ARHGAP28: variants seen among roughly 807,000 people sequenced by gnomAD.
ARHGAP28 encodes the protein rho GTPase-activating protein 28.
In ARHGAP28, 56 loss-of-function variants were observed where a neutral mutation model predicts 90.7. The observed-to-expected ratio is 0.62, with a 90% CI of 0.50 to 0.77. The LOEUF is 0.77. ARHGAP28 is among the 30% of genes least tolerant of loss of function. The pLI is 0.00. For synonymous variants in ARHGAP28, 308 were observed against 323.3 expected (o/e 0.95, Z 0.51); for missense variants, 869 against 900.9 (o/e 0.96, Z 0.45).
chr18:6,795,696 G>T (rs2056436910), intron 1 of ARHGAP28, among the ~76,000 whole-genome samples: 1 of 152,128 alleles, frequency 6.6e-6, no homozygotes, highest in South Asian at 2.1e-4. Flanking sequence ...CAGCACTCCA[G>T]ATTTGTCTGT....
chr18:6,909,599 G>C (rs1208473496), intron 17 of ARHGAP28, among the ~76,000 whole-genome samples: 1 of 151,894 alleles, frequency 6.6e-6, no homozygotes, highest in South Asian at 2.1e-4. Flanking sequence ...GGCTGGCTTC[G>C]GTCTTTTCAG....
intron 3 of ARHGAP28, among the ~76,000 whole-genome samples, chr18:6,839,504 A>G (rs925856929): frequency 3.3e-5 from 5 of 152,152 alleles, no homozygotes; most frequent in South Asian, 4.1e-4. Context: ...TCACCCTGTT[A>G]GCCAGGATGG....
chr18:6,774,769 G>T (rs751228942), intron 1 of ARHGAP28, among the ~76,000 whole-genome samples: 2 of 152,222 alleles, frequency 1.3e-5, no homozygotes, highest in Non-Finnish European at 2.9e-5. Flanking sequence ...GGGACAGAGG[G>T]CACCCACCAG....
intron 1 of ARHGAP28, among the ~76,000 whole-genome samples, chr18:6,757,392 T>C (rs1299110504): frequency 6.6e-6 from 1 of 152,050 alleles, no homozygotes; most frequent in African/African-American, 2.4e-5. Flanking sequence ...GAAAGATGGG[T>C]CAGAGGCAGA....
chr18:6,905,702 A>T (rs533999781), intron 16 of ARHGAP28, among the ~76,000 whole-genome samples: 1 of 152,336 alleles, frequency 6.6e-6, no homozygotes, highest in East Asian at 1.9e-4. Flanking sequence ...CAGTAAGATC[A>T]CAGGATACAA....
intron 1 of ARHGAP28, among the ~76,000 whole-genome samples, chr18:6,786,609 A>G (rs1435814095): frequency 6.6e-6 from 1 of 152,072 alleles, no homozygotes; most frequent in Non-Finnish European, 1.5e-5. Context: ...CTATTATTCC[A>G]ATGTCCTTGC....
chr18:6,756,352 A>G (rs59211315), intron 1 of ARHGAP28, among the ~76,000 whole-genome samples: 151 of 152,244 alleles, frequency 9.9e-4, no homozygotes, highest in African/African-American at 3.6e-3. Flanking sequence ...TCCAAATTGA[A>G]TAAGGAAAGT....
intron 4 of ARHGAP28, among the ~76,000 whole-genome samples, chr18:6,857,741 A>G (rs1280682515): frequency 6.6e-6 from 1 of 152,252 alleles, no homozygotes; most frequent in African/African-American, 2.4e-5. Flanking sequence ...GCAAGGCAGA[A>G]GCTGTCGGTA....
intron 1 of ARHGAP28, among the ~76,000 whole-genome samples, chr18:6,769,463 A>G (rs547128467): frequency 4.2e-4 from 64 of 152,294 alleles, no homozygotes; most frequent in South Asian, 6.2e-4. Flanking sequence ...TTTTGCATCA[A>G]TGCTATTCAT....
At chr18:6,860,027 C>A in intron 5 of ARHGAP28, 130 bp downstream of exon 5, 1 of 757,028 alleles carries the variant, frequency 1.3e-6, no homozygotes, top group Non-Finnish European at 2.2e-6. Context: ...TGCAAGGAAA[C>A]CACAGCTGCT....
chr18:6,864,485 T>A (rs956055250), intron 5 of ARHGAP28, among the ~76,000 whole-genome samples: 3 of 152,216 alleles, frequency 2.0e-5, no homozygotes, highest in Non-Finnish European at 4.4e-5. Context: ...TTACAAGGTA[T>A]GTTGTTATAA....
At chr18:6,847,335 C>T (rs1225011434) in intron 3 of ARHGAP28, among the ~76,000 whole-genome samples, 1 of 152,046 alleles carries the variant, frequency 6.6e-6, no homozygotes, top group Non-Finnish European at 1.5e-5. Context: ...TTCTCTTGTA[C>T]CTTTTTATCC....
chr18:6,890,201 C>G, intron 13 of ARHGAP28, 116 bp downstream of exon 13: 7 of 1,217,122 alleles, frequency 5.8e-6, no homozygotes, highest in African/African-American at 1.5e-5. Flanking sequence ...GAAGATAACC[C>G]CAGGTGGCTG....
chr18:6,907,862 T>A (rs2057372598), intron 16 of ARHGAP28, among the ~76,000 whole-genome samples: 1 of 152,088 alleles, frequency 6.6e-6, no homozygotes, highest in Non-Finnish European at 1.5e-5. Flanking sequence ...TACGTGTGAA[T>A]CTACAGCACC....
intron 16 of ARHGAP28, among the ~76,000 whole-genome samples, chr18:6,907,369 G>A (rs1420515084): frequency 6.8e-6 from 1 of 147,928 alleles, no homozygotes; most frequent in Non-Finnish European, 1.5e-5. Flanking sequence ...GCTGATAGCA[G>A]CTTTATTTGT....
rs79539037 is a variant in ARHGAP28, at chr18:6,779,209, G to A, written c.123-45553G>A. 6.1e-3 allele frequency among the ~76,000 whole-genome samples: 928 copies of A among 152,152 alleles called. 38 individuals carry two copies. Among genetic ancestry groups the A allele is most frequent in the Admixed American group, 0.042 (642 of 15,284 alleles). ...TGTTTGGGTCCAGATATTATTGAAG[G>A]GTGCACTGTGTACTGCATATGAAAA... is the stretch of plus-strand genomic sequence containing the variant. On this transcript the variant is annotated intron_variant, in intron 1 of 17. Coordinates refer to ENST00000383472, the MANE Select transcript of ARHGAP28 (RefSeq NM_001366230.1).
chr18:6,887,300 A>T (rs1302638857), intron 12 of ARHGAP28, 61 bp downstream of exon 12: 5 of 1,501,234 alleles, frequency 3.3e-6, no homozygotes, highest in Non-Finnish European at 4.6e-6. Context: ...GACATGGCTC[A>T]TATAGGAAAA....
At chr18:6,808,728 T>G (rs1445382137) in intron 1 of ARHGAP28, among the ~76,000 whole-genome samples, 1 of 152,242 alleles carries the variant, frequency 6.6e-6, no homozygotes, top group Admixed American at 6.5e-5. Flanking sequence ...AGTCTTACTC[T>G]GTCATGGTTT....
chr18:6,807,695 T>G, intron 1 of ARHGAP28, among the ~76,000 whole-genome samples: 1 of 152,226 alleles, frequency 6.6e-6, no homozygotes, highest in East Asian at 1.9e-4. Context: ...TTTCCCTGAC[T>G]GAGGGTAGTT....
Sources: gnomAD v4.1 joint callset for allele counts (sites outside exome capture counted in the v4.1 genomes callset) on GRCh38, gnomAD v4.1.1 for gene constraint, MANE v1.5 for transcripts, NCBI Gene and HGNC (gene_info 2026-07-23, HGNC 2026-07-21) for gene names.